The following METTL8 variants were observed in gnomAD, a reference collection of about 807,000 sequenced individuals.
METTL8 encodes methyltransferase 8, tRNA N3-cytidine, also known as tRNA N(3)-cytidine methyltransferase METTL8, mitochondrial.
A neutral mutation model predicts 48.7 loss-of-function variants in METTL8; 32 were observed. The ratio of observed to expected loss-of-function variants is 0.66; its 90% confidence interval spans 0.50 to 0.88. The LOEUF is 0.88. Among genes scored for constraint, METTL8 ranks in the 40% least tolerant of loss-of-function variants. METTL8 has a pLI of 0.00. For missense variants in METTL8, 464 were observed against 474.4 expected (o/e 0.98, Z 0.20); for synonymous variants, 136 against 157.1 (o/e 0.87, Z 1.01).
At chr2:171,371,904 G>C (rs1290382498) in intron 2 of METTL8, among the ~76,000 whole-genome samples, 2 of 150,818 alleles carry the variant, frequency 1.3e-5, no homozygotes, top group Admixed American at 6.6e-5. Flanking sequence ...GCCCAGGCTG[G>C]TAAATCCAAC....
chr2:171,406,865 C>CTT (rs746313050), intron 1 of METTL8, among the ~76,000 whole-genome samples: 2 of 144,224 alleles, frequency 1.4e-5, no homozygotes, highest in Non-Finnish European at 3.1e-5. Flanking sequence ...TTAAATTCCT[C>CTT]TTTTTTTTTT....
In METTL8 at chr2:171,339,552, TAACTA is replaced by T. The variant is rs751664887; in HGVS notation, c.236-3_237del. 45 of 1,456,594 alleles carry T rather than the reference TAACTA, an allele frequency of 3.1e-5. No individual in the cohort carries two copies. In the Middle Eastern group the frequency reaches 5.3e-4, roughly 17 times the overall value. The allele number at this position is 1,456,594 out of a possible 1,614,324, so 90.2% of individuals were successfully genotyped here. On this transcript the variant is annotated splice_acceptor_variant and splice_polypyrimidine_tract_variant and coding_sequence_variant and intron_variant, in exon 4 of 10. Transcript: ENST00000375258. LOFTEE classifies it high-confidence loss of function. ...TATTTACTAGCTTCTCTCTCATACT[TAACTA>T]AAATAAAGAGGAAAAAGAAAGATTT...
intron 3 of METTL8, among the ~76,000 whole-genome samples, chr2:171,343,526 T>C (rs1434772157): frequency 1.3e-5 from 2 of 152,004 alleles, no homozygotes; most frequent in African/African-American, 4.8e-5. Context: ...GTATATACAT[T>C]GATGGCAGCT....
chr2:171,363,863 A>G (rs1194513834), intron 2 of METTL8, among the ~76,000 whole-genome samples: 1 of 123,534 alleles, frequency 8.1e-6, no homozygotes, highest in Non-Finnish European at 1.7e-5. Flanking sequence ...CCCAGGCTGG[A>G]GTGCAGTGGC....
At chr2:171,343,393 C>T (rs528703383) in intron 3 of METTL8, among the ~76,000 whole-genome samples, 39 of 151,772 alleles carry the variant, frequency 2.6e-4, no homozygotes, top group Admixed American at 5.9e-4. Flanking sequence ...GAGCTGCGAT[C>T]GTGCCATTGC....
chr2:171,414,114 A>C (rs1691033067), intron 1 of METTL8, among the ~76,000 whole-genome samples: 1 of 152,216 alleles, frequency 6.6e-6, no homozygotes. Context: ...AAAATTATGT[A>C]GCTGCTTAAA....
Position 171,337,464 on chromosome 2 carries a change from C to A in METTL8, c.645G>T (p.Leu215Phe), listed in dbSNP as rs749659566. 5 of 1,603,536 alleles carry A rather than the reference C, an allele frequency of 3.1e-6. No individual in the cohort carries two copies. The South Asian group carries it at 3.4e-5, about 11-fold the overall frequency. Reference sequence around the variant, plus strand: ...CTCTTAAAACTCACTCCAAAGTGTTCAAAATTGGAAACACACTATTTCCAG... The same window carrying A: ...CTCTTAAAACTCACTCCAAAGTGTTAAAAATTGGAAACACACTATTTCCAG... ...CGAGNSVFPI[L>F]NTLENSPESF... Residue 215 changes from leucine (L) to phenylalanine (F), a missense_variant, in exon 5 of 10, where the codon TTG (leucine) becomes TTT (phenylalanine). Leu to Phe is a conservative substitution (Grantham distance 22). Coordinates refer to ENST00000375258, the MANE Select transcript of METTL8 (RefSeq NM_001321154.2).
intron 4 of METTL8, 78 bp from the exon 5 acceptor site, chr2:171,337,580 G>T (rs1169833736): frequency 1.9e-6 from 2 of 1,064,968 alleles, no homozygotes; most frequent in Non-Finnish European, 2.8e-6. Context: ...TCCTATTAAA[G>T]AAAAAAACAA....
chr2:171,357,463 T>G (rs1460249119), intron 3 of METTL8, among the ~76,000 whole-genome samples: 4 of 151,954 alleles, frequency 2.6e-5, no homozygotes, highest in Non-Finnish European at 5.9e-5. Flanking sequence ...TACCTAGAAA[T>G]CAATTAAATC....
At chr2:171,434,418 C>A, upstream of METTL8, 1 of 1,267,602 alleles carries the variant, frequency 7.9e-7, no homozygotes, top group Non-Finnish European at 1.1e-6. Flanking sequence ...CTCGCCCCGC[C>A]GTCGGGTGCT....
chr2:171,359,677 A>C (rs971775303), intron 3 of METTL8, among the ~76,000 whole-genome samples: 1 of 149,624 alleles, frequency 6.7e-6, no homozygotes, highest in Non-Finnish European at 1.5e-5. Flanking sequence ...CAGTGGTGTG[A>C]TCTCGGCTCA....
chr2:171,416,691 C>T (rs1199706622), intron 1 of METTL8, among the ~76,000 whole-genome samples: 3 of 152,192 alleles, frequency 2.0e-5, no homozygotes, highest in Non-Finnish European at 4.4e-5. Context: ...CACATCTGAT[C>T]TTCAACTATC....
In METTL8 at chr2:171,335,930, TA is replaced by T. The variant is rs1272000677; in HGVS notation, c.656+1522del. 1.1e-4 allele frequency among the ~76,000 whole-genome samples: 17 copies of T among 151,856 alleles called. No homozygotes were observed. In the East Asian group the frequency reaches 2.7e-3, roughly 24 times the overall value. ...TTATAATGGAAAAATAATGTGAACT[TA>T]AAAAAAATGTGTAAACTTAAAAAAG... On this transcript the variant is annotated intron_variant, in intron 5 of 9. Coordinates refer to ENST00000375258, the MANE Select transcript of METTL8 (RefSeq NM_001321154.2).
intron 7 of METTL8, 30 bp from the exon 8 acceptor site, chr2:171,326,178 C>G: frequency 8.3e-7 from 1 of 1,211,846 alleles, no homozygotes; most frequent in Non-Finnish European, 1.2e-6. Flanking sequence ...AAAAGATACC[C>G]AGTTTGTAGA....
Position 171,375,306 on chromosome 2 carries a change from T to C in METTL8, c.144-14793A>G, listed in dbSNP as rs191678804. On this transcript the variant is annotated intron_variant, in intron 2 of 9. Transcript: ENST00000375258. ...TGGAGGCACGGACCAGAGATATATGTTTATCTTTTAAAGAAACTGCCAAGT... is the reference window on the plus strand; with the variant it reads ...TGGAGGCACGGACCAGAGATATATGCTTATCTTTTAAAGAAACTGCCAAGT... 1,207 of 776,972 alleles carry C rather than the reference T, an allele frequency of 1.6e-3. 4 individuals are homozygous for C. The highest frequency in any genetic ancestry group is 2.2e-3 in the Non-Finnish European group (975 of 441,714). The allele number at this position is 776,972 out of a possible 1,614,324, so 48.1% of individuals were successfully genotyped here.
At chr2:171,359,038 C>T (rs957657732) in intron 3 of METTL8, among the ~76,000 whole-genome samples, 9 of 151,742 alleles carry the variant, frequency 5.9e-5, no homozygotes, top group Admixed American at 3.3e-4. Context: ...CCTGTAATAC[C>T]AGCACTTTGG....
chr2:171,337,240 A>T (rs1686219212), intron 5 of METTL8, among the ~76,000 whole-genome samples: 1 of 152,118 alleles, frequency 6.6e-6, no homozygotes. Flanking sequence ...ATGATGGACA[A>T]CCCATGGCTA....
chr2:171,333,733 G>A (rs1011164996), intron 5 of METTL8, among the ~76,000 whole-genome samples: 2 of 152,190 alleles, frequency 1.3e-5, no homozygotes, highest in African/African-American at 2.4e-5. Context: ...TCAGCACTAT[G>A]TGGCTAATGG....
intron 1 of METTL8, among the ~76,000 whole-genome samples, chr2:171,413,143 T>C (rs1000950291): frequency 6.6e-6 from 1 of 152,226 alleles, no homozygotes; most frequent in South Asian, 2.1e-4. Context: ...TGGATTTTAA[T>C]GTAGCAGAAT....
Sources: gnomAD v4.1 joint callset for allele counts (sites outside exome capture counted in the v4.1 genomes callset) on GRCh38, gnomAD v4.1.1 for gene constraint, MANE v1.5 for transcripts, NCBI Gene and HGNC (gene_info 2026-07-23, HGNC 2026-07-21) for gene names.